PARL: variants seen among roughly 807,000 people sequenced by gnomAD.
PARL encodes presenilin associated rhomboid like.
A neutral mutation model predicts 51.6 loss-of-function variants in PARL; 44 were observed. The ratio of observed to expected loss-of-function variants is 0.85; its 90% CI spans 0.67 to 1.10. The LOEUF is 1.10. Among genes scored for constraint, PARL ranks in the 50% least tolerant of loss-of-function variants. The pLI, the probability that PARL is intolerant of heterozygous loss-of-function variation, is 0.00. For missense variants in PARL, 441 were observed against 469.5 expected (o/e 0.94, Z 0.56); for synonymous variants, 172 against 164.0 (o/e 1.05, Z -0.37).
At chr3:183,867,577 A>G (rs1273334970) in intron 2 of PARL, among the ~76,000 whole-genome samples, 2 of 151,940 alleles carry the variant, frequency 1.3e-5, no homozygotes, top group African/African-American at 2.4e-5. Context: ...GCCAGTGCCT[A>G]CAGTCCCAGC....
At position 183,852,150 on chromosome 3, in the gene PARL, C is replaced by G. The variant is rs533221950; in HGVS notation, c.512-7824G>C. ...CCAGCCTGAGTGACAGAGCGAGACT[C>G]TGTCTCAAAAAAATTAAAAACAGTA... On this transcript the variant is annotated intron_variant, in intron 4 of 9. Coordinates refer to ENST00000317096, the MANE Select transcript of PARL (RefSeq NM_018622.7). 3.9e-5 allele frequency among the ~76,000 whole-genome samples: 6 copies of G among 152,226 alleles called. No individual in the cohort carries two copies. In the South Asian group the frequency reaches 1.2e-3, roughly 32 times the overall value.
intron 3 of PARL, among the ~76,000 whole-genome samples, chr3:183,864,779 GAA>G (rs1014988225): frequency 1.1e-5 from 1 of 92,946 alleles, no homozygotes. Context: ...TGTCTCAAAA[GAA>G]AAAAAAAAAG....
chr3:183,874,733 C>A (rs13059476), intron 1 of PARL, among the ~76,000 whole-genome samples: 1 of 152,102 alleles, frequency 6.6e-6, no homozygotes, highest in Non-Finnish European at 1.5e-5. Context: ...CTGAGATAGG[C>A]CAGGAGCTAA....
At position 183,829,696 on chromosome 3, in the gene PARL, A is replaced by C. The variant is rs766494373; in HGVS notation, c.1042T>G (p.Tyr348Asp). ...GALFGIWYVT[Y>D]GHELIWKNRE... ...TTCTTCCAAATCAGTTCATGACCGT[A>C]AGTAACATACCATCTGGAGAAAAAC... The change falls in exon 10 of 10, where the codon TAC becomes GAC. Residue 348 changes from tyrosine to aspartate, a missense_variant. Coordinates refer to ENST00000317096, the MANE Select transcript of PARL (RefSeq NM_018622.7). 3 of 1,614,042 alleles carry C rather than the reference A, an allele frequency of 1.9e-6. No homozygotes were observed.
At chr3:183,875,415 CAAAAAAA>C (rs61316689) in intron 1 of PARL, among the ~76,000 whole-genome samples, 189 of 60,140 alleles carry the variant, frequency 3.1e-3, no homozygotes, top group African/African-American at 0.012. Context: ...ACTCTGTCTC[CAAAAAAA>C]AAAAAAAAAA....
At position 183,846,592 on chromosome 3, in the gene PARL, T is replaced by C; in HGVS notation, c.512-2266A>G. ...GTTTTCAATCCAAACGCAAGAAGCT[T>C]TTCTGATAAATAATGAGTACTGGCA... On this transcript the variant is annotated intron_variant, in intron 4 of 9. Transcript: ENST00000317096. The C allele has an allele frequency of 3.0e-6, 3 of 985,186 alleles. No individual in the cohort carries two copies. The South Asian group carries it at 1.4e-4, about 46-fold the overall frequency. The allele number at this position is 985,186 out of a possible 1,614,324, so 61.0% of individuals were successfully genotyped here.
intron 3 of PARL, among the ~76,000 whole-genome samples, chr3:183,864,136 T>C (rs56410937): frequency 0.017 from 2,619 of 152,334 alleles, 35 homozygotes; most frequent in Middle Eastern, 0.031. Context: ...CATTTTCACC[T>C]GCAAATATTA....
chr3:183,861,858 C>T (rs1172969643), intron 4 of PARL, among the ~76,000 whole-genome samples: 1 of 152,186 alleles, frequency 6.6e-6, no homozygotes, highest in African/African-American at 2.4e-5. Flanking sequence ...TCACTGCAAC[C>T]TCTGCCTCCC....
At chr3:183,827,851 A>G (rs1459799930), downstream of PARL, among the ~76,000 whole-genome samples, 1 of 152,212 alleles carries the variant, frequency 6.6e-6, no homozygotes, top group Non-Finnish European at 1.5e-5. Flanking sequence ...GAATCCTCAC[A>G]GATAACTGAG....
At chr3:183,842,893 G>C (rs1456636714) in intron 5 of PARL, among the ~76,000 whole-genome samples, 1 of 135,408 alleles carries the variant, frequency 7.4e-6, no homozygotes, top group Non-Finnish European at 1.6e-5. Flanking sequence ...TTTTTGGAGA[G>C]AGTCTTGCTC....
intron 4 of PARL, among the ~76,000 whole-genome samples, chr3:183,855,530 G>A (rs1024389587): frequency 1.3e-5 from 2 of 152,100 alleles, no homozygotes; most frequent in African/African-American, 4.8e-5. Flanking sequence ...ACCAGGGGTG[G>A]GGGGATGGTT....
intron 9 of PARL, among the ~76,000 whole-genome samples, chr3:183,830,848 C>A (rs751979565): frequency 2.0e-5 from 3 of 152,170 alleles, no homozygotes; most frequent in African/African-American, 4.8e-5. Context: ...AATAAAAATT[C>A]TCTGTGCTTA....
chr3:183,867,303 C>G (rs1285495599), intron 2 of PARL, among the ~76,000 whole-genome samples: 1 of 152,112 alleles, frequency 6.6e-6, no homozygotes, highest in Non-Finnish European at 1.5e-5. Flanking sequence ...ACTGAAAATA[C>G]CAACTTAGCA....
intron 4 of PARL, among the ~76,000 whole-genome samples, chr3:183,850,978 A>G (rs1403818488): frequency 1.3e-5 from 2 of 152,238 alleles, no homozygotes; most frequent in Non-Finnish European, 2.9e-5. Flanking sequence ...CAGAATTGAC[A>G]GTCCAGAAAT....
chr3:183,828,139 GA>G (rs2108569709), downstream of PARL, among the ~76,000 whole-genome samples: 2 of 152,384 alleles, frequency 1.3e-5, no homozygotes, highest in African/African-American at 4.8e-5. Flanking sequence ...GCCATGCACA[GA>G]GGCTCCAGCA....
At chr3:183,848,629 G>C (rs1028289674) in intron 4 of PARL, among the ~76,000 whole-genome samples, 2 of 152,180 alleles carry the variant, frequency 1.3e-5, no homozygotes, top group Non-Finnish European at 2.9e-5. Flanking sequence ...CCAAAGAATT[G>C]TCATTATTTG....
At chr3:183,838,415 T>C (rs560848994) in intron 7 of PARL, among the ~76,000 whole-genome samples, 102 of 152,360 alleles carry the variant, frequency 6.7e-4, no homozygotes, top group South Asian at 1.0e-3. Context: ...GGTGTTTTTT[T>C]CCCAGATTTC....
At chr3:183,859,574 T>C (rs1276109721) in intron 4 of PARL, among the ~76,000 whole-genome samples, 1 of 152,056 alleles carries the variant, frequency 6.6e-6, no homozygotes, top group Non-Finnish European at 1.5e-5. Context: ...TGACCTCAGG[T>C]GATCCACCTC....
intron 1 of PARL, among the ~76,000 whole-genome samples, chr3:183,880,757 C>T (rs1324347686): frequency 6.6e-6 from 1 of 152,012 alleles, no homozygotes; most frequent in Non-Finnish European, 1.5e-5. Flanking sequence ...AAAAGTTACA[C>T]CAATATATGT....
Sources: gnomAD v4.1 joint callset for allele counts (sites outside exome capture counted in the v4.1 genomes callset) on GRCh38, gnomAD v4.1.1 for gene constraint, MANE v1.5 for transcripts, NCBI Gene and HGNC (gene_info 2026-07-23, HGNC 2026-07-21) for gene names.